The following APC variants were observed in gnomAD, a reference collection of about 807,000 sequenced individuals.
APC encodes APC regulator of Wnt signaling pathway.
In APC, 72 loss-of-function variants were observed where a neutral mutation model predicts 247.0. The observed-to-expected ratio is 0.29, with a 90% CI of 0.24 to 0.35. The LOEUF (loss-of-function observed/expected upper bound fraction) is 0.35, where lower values mean the gene tolerates loss of function less well. Ranked by LOEUF, APC falls within the 10% of genes least tolerant of loss-of-function variation. APC has a pLI of 1.00. For synonymous variants in APC, 1,254 were observed against 1,162.5 expected, an observed-to-expected ratio of 1.08 and a Z score of -1.60; for missense variants, 3,400 against 3,360.7, an observed-to-expected ratio of 1.01 and a Z score of -0.29.
chr5:112,707,745 G>T lies in APC; in HGVS notation c.28G>T (p.Val10Phe), dbSNP rs1397116635. 6 of 1,370,532 alleles carry T rather than the reference G, an allele frequency of 4.4e-6. No individual in the cohort carries two copies. Among genetic ancestry groups the T allele is most frequent in the Non-Finnish European group, 5.8e-6 (6 of 1,038,810 alleles). 84.9% of individuals were successfully genotyped at this position (1,370,532 alleles called of 1,614,324 possible). Residue 10 changes from valine (V) to phenylalanine (F), a missense_variant, in exon 1 of 14, where the codon GTC becomes TTC. Coordinates refer to the APC transcript ENST00000507379. ...GTACGCCTCCCTGGGCTCGGGTCCG[G>T]TCGCCCCTTTGCCCGCTTCTGTACC... is the stretch of plus-strand genomic sequence containing the variant.
intron 1 of APC, among the ~76,000 whole-genome samples, chr5:112,728,853 T>C (rs1751945444): frequency 1.3e-5 from 2 of 152,202 alleles, no homozygotes; most frequent in Admixed American, 1.3e-4. Flanking sequence ...CTGTGGATCT[T>C]GTTCTAATTA....
intron 1 of APC, among the ~76,000 whole-genome samples, chr5:112,740,524 CTTTTTTTTTT>C (rs11286305): frequency 1.0e-5 from 1 of 99,136 alleles, no homozygotes; most frequent in African/African-American, 4.1e-5. Context: ...GTTTTTTTTT[CTTTTTTTTTT>C]TTTTTTTTTG....
intron 6 of APC, among the ~76,000 whole-genome samples, chr5:112,782,416 T>C (rs1051637500): frequency 6.6e-6 from 1 of 152,120 alleles, no homozygotes; most frequent in African/African-American, 2.4e-5. Flanking sequence ...TCTATCTGTT[T>C]TGGAGTATGG....
intron 1 of APC, among the ~76,000 whole-genome samples, chr5:112,731,270 C>T (rs932732694): frequency 6.6e-6 from 1 of 151,966 alleles, no homozygotes; most frequent in Non-Finnish European, 1.5e-5. Flanking sequence ...ATAAGAATTG[C>T]CTTTGTCCAT....
At chr5:112,754,781 T>G in intron 1 of APC, 92 bp from the exon 2 acceptor site, 1 of 1,213,004 alleles carries the variant, frequency 8.2e-7, no homozygotes. Flanking sequence ...TTAAACGTCT[T>G]AAGAGTTTTG....
chr5:112,812,625 G>T (rs891078152), intron 8 of APC, among the ~76,000 whole-genome samples: 1 of 152,160 alleles, frequency 6.6e-6, no homozygotes, highest in African/African-American at 2.4e-5. Context: ...TCCAAATTCA[G>T]ATGCCACTTT....
intron 1 of APC, among the ~76,000 whole-genome samples, chr5:112,741,584 A>T (rs1753028739): frequency 6.6e-6 from 1 of 152,326 alleles, no homozygotes; most frequent in South Asian, 2.1e-4. Flanking sequence ...TGTTTTTTAC[A>T]GTTAATGAGA....
At chr5:112,772,516 CTTTTTT>C (rs35444319) in intron 4 of APC, among the ~76,000 whole-genome samples, 2 of 138,300 alleles carry the variant, frequency 1.4e-5, no homozygotes, top group African/African-American at 5.3e-5. Flanking sequence ...ATGCCCAGCT[CTTTTTT>C]TTTTTTTTTT....
chr5:112,790,580 C>T (rs1759464087), intron 6 of APC, among the ~76,000 whole-genome samples: 2 of 152,054 alleles, frequency 1.3e-5, no homozygotes, highest in South Asian at 2.1e-4. Context: ...CCATCTGCCT[C>T]GGCCTCCTGA....
upstream of APC, among the ~76,000 whole-genome samples, chr5:112,734,933 A>G (rs1752296662): frequency 6.6e-6 from 1 of 151,412 alleles, no homozygotes; most frequent in Non-Finnish European, 1.5e-5. Flanking sequence ...TGGGGAATGT[A>G]ATATTTAAGA....
intron 10 of APC, among the ~76,000 whole-genome samples, chr5:112,820,839 C>T (rs1012420395): frequency 2.6e-5 from 4 of 152,020 alleles, no homozygotes; most frequent in Non-Finnish European, 4.4e-5. Context: ...TTAGAGATCA[C>T]ATTTGTACAT....
intron 1 of APC, among the ~76,000 whole-genome samples, chr5:112,721,985 T>C (rs1188102786): frequency 6.6e-6 from 1 of 152,168 alleles, no homozygotes; most frequent in East Asian, 1.9e-4. Context: ...GGGGACAAAT[T>C]TGCTCTAGAC....
rs754553913 is a variant in APC, at chr5:112,775,664, A to G, written c.458A>G (p.Lys153Arg). 1 of 1,608,376 alleles carries G rather than the reference A, an allele frequency of 6.2e-7. No individual in the cohort carries two copies. Among genetic ancestry groups the G allele is most frequent in the Non-Finnish European group, 8.5e-7 (1 of 1,177,416 alleles). The change falls in exon 5 of 16, where the codon AAG becomes AGG. Residue 153 changes from lysine (K) to arginine (R), a missense_variant. This residue lies in a region of APC where 372 missense variants were observed against 367.6 expected (regional missense o/e 1.01). Transcript: ENST00000257430. ...LLLADLDKEE[K>R]EKDWYYAQLQ... ...CTTGCTGATCTTGACAAAGAAGAAA[A>G]GGAAAAAGACTGGTATTACGCTCAA...
At chr5:112,758,104 A>G (rs911929746) in intron 2 of APC, among the ~76,000 whole-genome samples, 16 of 152,186 alleles carry the variant, frequency 1.1e-4, no homozygotes, top group African/African-American at 3.1e-4. Flanking sequence ...GATGTGGGAT[A>G]TGAAGGTACA....
At position 112,843,013 on chromosome 5, in the gene APC, T is replaced by C; in HGVS notation, c.7419T>C (p.Ser2473=). The part of the protein sequence containing the change: ...ESLSPSSRPA[S]PTRSQAQTPV... ...TTTCTCCATCATCTAGACCAGCTTC[T>C]CCCACTAGGTCCCAGGCACAAACTC... The change falls in exon 16 of 16, where the codon TCT becomes TCC. Residue 2473 remains serine (S), a synonymous_variant. Coordinates refer to ENST00000257430, the MANE Select transcript of APC (RefSeq NM_000038.6). This position sits in a 1 kb window ranked among gnomAD's most constrained non-coding sequence, Gnocchi z 4.8. 6.2e-7 allele frequency: 1 copy of C among 1,613,944 alleles called. No homozygotes were observed. The highest frequency in any genetic ancestry group is 8.5e-7 in the Non-Finnish European group (1 of 1,179,836).
intron 6 of APC, among the ~76,000 whole-genome samples, chr5:112,791,407 A>G (rs1372837218): frequency 6.6e-6 from 1 of 152,220 alleles, no homozygotes; most frequent in Non-Finnish European, 1.5e-5. Flanking sequence ...TGTTTAAACC[A>G]GGGGTCCCCA....
intron 15 of APC, 69 bp downstream of exon 15, chr5:112,835,234 C>A: frequency 1.5e-6 from 2 of 1,342,058 alleles, no homozygotes; most frequent in Non-Finnish European, 2.1e-6. Context: ...TAATTGTAAG[C>A]AATGTTTTAT....
At chr5:112,813,684 G>C (rs1266694998) in intron 8 of APC, among the ~76,000 whole-genome samples, 2 of 151,534 alleles carry the variant, frequency 1.3e-5, no homozygotes, top group African/African-American at 4.8e-5. Context: ...TCTGGAGGCT[G>C]AGGTGAGAGG....
intron 9 of APC, among the ~76,000 whole-genome samples, chr5:112,815,800 G>A (rs1762451238): frequency 6.6e-6 from 1 of 152,148 alleles, no homozygotes; most frequent in South Asian, 2.1e-4. Context: ...AGCCAGTGTG[G>A]TGGCACACAC....
Sources: gnomAD v4.1 joint callset for allele counts (sites outside exome capture counted in the v4.1 genomes callset) on GRCh38, gnomAD v4.1.1 for gene constraint, gnomAD v4.1.1 regional missense constraint, Gnocchi (gnomAD v3.1) non-coding constraint, MANE v1.5 for transcripts, NCBI Gene and HGNC (gene_info 2026-07-23, HGNC 2026-07-21) for gene names.